PKIB: variants seen among roughly 807,000 people sequenced by gnomAD.
PKIB encodes the protein PKI-beta.
Under a neutral mutation model 4.5 loss-of-function variants are expected in PKIB, and 2 were observed. The observed-to-expected ratio is 0.44, with a 90% CI of 0.18 to 1.39. The LOEUF is 1.39. Among genes scored for constraint, PKIB ranks in the 40% most tolerant of loss-of-function variants. The probability of loss-of-function intolerance (pLI) is 0.27; values close to 1 mark genes in which losing one functional copy is unlikely to be tolerated. For synonymous variants in PKIB, 38 were observed against 36.0 expected (o/e 1.06, Z -0.20); for missense variants, 94 against 92.6 (o/e 1.02, Z -0.06).
intron 2 of PKIB, among the ~76,000 whole-genome samples, chr6:122,565,297 C>T (rs991689185): frequency 1.3e-5 from 2 of 152,074 alleles, no homozygotes; most frequent in East Asian, 1.9e-4. Flanking sequence ...CATAGCTTCC[C>T]CTAGATTCTA....
intron 2 of PKIB, among the ~76,000 whole-genome samples, chr6:122,557,712 A>G (rs2114666518): frequency 1.3e-5 from 2 of 152,324 alleles, no homozygotes; most frequent in Non-Finnish European, 2.9e-5. Flanking sequence ...TAGACCTCTC[A>G]TTAGCTTACC....
chr6:122,486,629 TG>T (rs1217780542), intron 2 of PKIB, among the ~76,000 whole-genome samples: 1 of 152,082 alleles, frequency 6.6e-6, no homozygotes, highest in Non-Finnish European at 1.5e-5. Flanking sequence ...TCTACTAATG[TG>T]TATCTCCTTT....
chr6:122,649,054 A>G (rs1422770624), intron 2 of PKIB, among the ~76,000 whole-genome samples: 1 of 152,230 alleles, frequency 6.6e-6, no homozygotes, highest in African/African-American at 2.4e-5. Flanking sequence ...CTTGATTATT[A>G]AAATTCTCCT....
At chr6:122,595,806 C>A (rs1562263718) in intron 3 of PKIB, among the ~76,000 whole-genome samples, 1 of 152,110 alleles carries the variant, frequency 6.6e-6, no homozygotes, top group Non-Finnish European at 1.5e-5. Flanking sequence ...TGTTCGTGGG[C>A]CTATTGGACG....
intron 2 of PKIB, among the ~76,000 whole-genome samples, chr6:122,648,505 T>C (rs1429132439): frequency 6.6e-6 from 1 of 152,212 alleles, no homozygotes; most frequent in Non-Finnish European, 1.5e-5. Flanking sequence ...TTTTCTATTA[T>C]GCCATCTAAC....
chr6:122,600,629 C>T (rs540833184), intron 3 of PKIB, among the ~76,000 whole-genome samples: 51 of 152,220 alleles, frequency 3.4e-4, no homozygotes, highest in Admixed American at 6.5e-4. Context: ...TCTAATACTA[C>T]CTCACAAAAC....
At chr6:122,561,008 A>G (rs552129634) in intron 2 of PKIB, among the ~76,000 whole-genome samples, 4 of 151,908 alleles carry the variant, frequency 2.6e-5, no homozygotes, top group Non-Finnish European at 5.9e-5. Flanking sequence ...TGTTTCATTT[A>G]TCTTTTTTAT....
chr6:122,672,175 CAGT>C (rs748341467), intron 2 of PKIB, among the ~76,000 whole-genome samples: 42 of 152,160 alleles, frequency 2.8e-4, no homozygotes, highest in Non-Finnish European at 5.3e-4. Context: ...TCTAAAGTGG[CAGT>C]GTAGACATGT....
chr6:122,672,858 G>C (rs1777522086), intron 2 of PKIB, among the ~76,000 whole-genome samples: 1 of 151,968 alleles, frequency 6.6e-6, no homozygotes, highest in East Asian at 1.9e-4. Flanking sequence ...GCGTGCTACT[G>C]TTCTTGAAAT....
chr6:122,724,299 A>G (rs1031403270), intron 4 of PKIB, among the ~76,000 whole-genome samples: 3 of 152,134 alleles, frequency 2.0e-5, no homozygotes, highest in African/African-American at 7.2e-5. Flanking sequence ...CTCTTGATGA[A>G]GCAAAAATGG....
chr6:122,668,488 G>A (rs566716640), intron 2 of PKIB, among the ~76,000 whole-genome samples: 1 of 152,254 alleles, frequency 6.6e-6, no homozygotes, highest in East Asian at 1.9e-4. Context: ...TGTCCCTTAA[G>A]CAGCTATACT....
At chr6:122,710,632 T>A (rs557250738) in intron 3 of PKIB, among the ~76,000 whole-genome samples, 1 of 152,326 alleles carries the variant, frequency 6.6e-6, no homozygotes, top group Admixed American at 6.5e-5. Context: ...GGCCTCATTT[T>A]CTATCCTGGA....
intron 2 of PKIB, among the ~76,000 whole-genome samples, chr6:122,487,078 A>C (rs1405280275): frequency 6.6e-6 from 1 of 152,224 alleles, no homozygotes; most frequent in Non-Finnish European, 1.5e-5. Flanking sequence ...TACCAAAATC[A>C]GAAAATTAAT....
At chr6:122,614,116 C>T (rs1054492921) in intron 1 of PKIB, among the ~76,000 whole-genome samples, 6 of 152,098 alleles carry the variant, frequency 3.9e-5, no homozygotes, top group Non-Finnish European at 5.9e-5. Flanking sequence ...TTCAGTCACT[C>T]CTAGTTGTAA....
intron 2 of PKIB, among the ~76,000 whole-genome samples, chr6:122,575,995 C>T (rs770568926): frequency 3.9e-5 from 6 of 152,154 alleles, no homozygotes; most frequent in Non-Finnish European, 8.8e-5. Flanking sequence ...CACAACAGTA[C>T]ACACTACACA....
intron 2 of PKIB, among the ~76,000 whole-genome samples, chr6:122,520,661 T>TCCCC (rs543467489): frequency 2.7e-3 from 151 of 55,508 alleles, no homozygotes; most frequent in African/African-American, 3.5e-3. Context: ...AAGTTTATGT[T>TCCCC]CCCACCCCCC....
At chr6:122,519,242 T>C (rs1440553426) in intron 2 of PKIB, among the ~76,000 whole-genome samples, 2 of 151,998 alleles carry the variant, frequency 1.3e-5, no homozygotes, top group African/African-American at 2.4e-5. Context: ...TGCCTTCTTA[T>C]GAGATTCTAA....
intron 3 of PKIB, among the ~76,000 whole-genome samples, chr6:122,680,547 A>T (rs1337808349): frequency 3.3e-5 from 5 of 152,126 alleles, no homozygotes; most frequent in African/African-American, 1.2e-4. Flanking sequence ...GAAAAGAGGG[A>T]TTCTGATTTC....
chr6:122,628,222 A>G (rs1261026240), intron 1 of PKIB, among the ~76,000 whole-genome samples: 1 of 152,148 alleles, frequency 6.6e-6, no homozygotes, highest in Non-Finnish European at 1.5e-5. Context: ...TTTTTAGTAG[A>G]GATGGGGTTT....
Sources: allele counts gnomAD v4.1 joint callset (sites outside exome capture counted in the v4.1 genomes callset), GRCh38; gene constraint gnomAD v4.1.1; transcripts MANE v1.5; gene names NCBI Gene and HGNC (gene_info 2026-07-23, HGNC 2026-07-21).